SLC25A26: variants seen among roughly 807,000 people sequenced by gnomAD.
SLC25A26 encodes the protein mitochondrial S-adenosylmethionine carrier protein.
Under a neutral mutation model 37.8 loss-of-function variants are expected in SLC25A26, and 36 were observed. The ratio of observed to expected loss-of-function variants is 0.95; its 90% confidence interval spans 0.73 to 1.26. The LOEUF is 1.26. Among genes scored for constraint, SLC25A26 ranks in the 50% most tolerant of loss-of-function variants. The pLI is 0.00. For missense variants in SLC25A26, 390 were observed against 331.1 expected (o/e 1.18, Z -1.38); for synonymous variants, 129 against 122.5 (o/e 1.05, Z -0.35).
intron 5 of SLC25A26, among the ~76,000 whole-genome samples, chr3:66,298,698 C>G (rs1297218080): frequency 6.6e-6 from 1 of 152,072 alleles, no homozygotes; most frequent in African/African-American, 2.4e-5. Context: ...GAAATGAGCA[C>G]CAGTCACACT....
At chr3:66,175,107 G>GTATACACATATA in intron 1 of SLC25A26, among the ~76,000 whole-genome samples, 1 of 80,554 alleles carries the variant, frequency 1.2e-5, no homozygotes, top group South Asian at 4.0e-4. Flanking sequence ...ATATGTGTGT[G>GTATACACATATA]TGTATATATA....
intron 1 of SLC25A26, among the ~76,000 whole-genome samples, chr3:66,147,659 T>A (rs1310153864): frequency 6.6e-6 from 1 of 152,200 alleles, no homozygotes; most frequent in Admixed American, 6.5e-5. Flanking sequence ...TTGAGGAATC[T>A]CCATACTGTT....
intron 5 of SLC25A26, among the ~76,000 whole-genome samples, chr3:66,276,649 G>A (rs1367465325): frequency 6.6e-6 from 1 of 151,898 alleles, no homozygotes; most frequent in Non-Finnish European, 1.5e-5. Flanking sequence ...TGTTCCCTGT[G>A]CTGCATCATA....
chr3:66,195,628 C>T (rs1175045050), intron 1 of SLC25A26, among the ~76,000 whole-genome samples: 1 of 152,168 alleles, frequency 6.6e-6, no homozygotes, highest in African/African-American at 2.4e-5. Context: ...GAGGAGCGCA[C>T]GCGCTCGGCG....
chr3:66,318,723 C>G (rs990435147), intron 5 of SLC25A26, among the ~76,000 whole-genome samples: 1 of 151,900 alleles, frequency 6.6e-6, no homozygotes, highest in African/African-American at 2.4e-5. Context: ...AGTGCACTGT[C>G]TCATCATAGC....
intron 5 of SLC25A26, among the ~76,000 whole-genome samples, chr3:66,282,846 C>T (rs763744163): frequency 9.8e-5 from 15 of 152,306 alleles, no homozygotes; most frequent in Non-Finnish European, 2.1e-4. Context: ...GATGCATACC[C>T]ATTTCCCTGC....
intron 5 of SLC25A26, among the ~76,000 whole-genome samples, chr3:66,284,158 G>A (rs2074433257): frequency 6.6e-6 from 1 of 152,148 alleles, no homozygotes; most frequent in Non-Finnish European, 1.5e-5. Flanking sequence ...ACTAGCCTGG[G>A]CAACATAGTG....
intron 4 of SLC25A26, 59 bp downstream of exon 4, chr3:66,262,214 G>C: frequency 4.8e-6 from 4 of 841,056 alleles, no homozygotes; most frequent in Non-Finnish European, 7.4e-6. Flanking sequence ...TAGCTAATAC[G>C]AACACTGTGG....
intron 5 of SLC25A26, among the ~76,000 whole-genome samples, chr3:66,320,224 C>T (rs1356471615): frequency 6.6e-6 from 1 of 152,078 alleles, no homozygotes; most frequent in Non-Finnish European, 1.5e-5. Flanking sequence ...TTCATCACTC[C>T]AGATACAAAC....
At chr3:66,222,074 T>C (rs181128915) in intron 1 of SLC25A26, among the ~76,000 whole-genome samples, 5 of 152,170 alleles carry the variant, frequency 3.3e-5, no homozygotes. Flanking sequence ...GGGGAATATA[T>C]GGAAGTAGGG....
At chr3:66,260,793 T>TA (rs1169969593) in intron 3 of SLC25A26, among the ~76,000 whole-genome samples, 7 of 152,214 alleles carry the variant, frequency 4.6e-5, no homozygotes. Context: ...TTATATATTA[T>TA]TATGTATAGA....
At chr3:66,356,628 TTTATTA>T (rs1337723898) in intron 6 of SLC25A26, among the ~76,000 whole-genome samples, 5 of 152,088 alleles carry the variant, frequency 3.3e-5, no homozygotes, top group African/African-American at 1.2e-4. Flanking sequence ...ATGTGGGAAC[TTTATTA>T]TTATTATTTT....
rs781968867 is a variant in SLC25A26 at position 66,221,006 on chromosome 3, C to T, written c.-89C>T. On this transcript the variant is annotated 5_prime_UTR_variant, in exon 1 of 10. Transcript: ENST00000354883. ...TGGTCCCGGAAGTTCAAGACAGACC[C>T]GCCTCAAACATGGCGGCGCCCAGCG... 1.4e-5 allele frequency: 20 copies of T among 1,389,922 alleles called. No homozygotes were observed. The highest frequency in any genetic ancestry group is 5.0e-5 in the East Asian group (2 of 40,032). The allele number at this position is 1,389,922 out of a possible 1,614,324, so 86.1% of individuals were successfully genotyped here.
chr3:66,299,805 C>T (rs2075019146), intron 5 of SLC25A26, among the ~76,000 whole-genome samples: 1 of 152,128 alleles, frequency 6.6e-6, no homozygotes, highest in Admixed American at 6.5e-5. Flanking sequence ...TGAGAAACTT[C>T]CACATGCGGG....
chr3:66,360,554 A>G (rs1402421542), intron 6 of SLC25A26, among the ~76,000 whole-genome samples: 1 of 152,220 alleles, frequency 6.6e-6, no homozygotes, highest in African/African-American at 2.4e-5. Context: ...GCAGAATACA[A>G]GATCAGTGTA....
At chr3:66,306,559 A>G (rs1311634768) in intron 5 of SLC25A26, among the ~76,000 whole-genome samples, 1 of 152,106 alleles carries the variant, frequency 6.6e-6, no homozygotes, top group Non-Finnish European at 1.5e-5. Context: ...TTACATAGGT[A>G]TACATGTGCC....
intron 9 of SLC25A26, among the ~76,000 whole-genome samples, chr3:66,373,217 C>T (rs1260176702): frequency 2.6e-5 from 4 of 152,160 alleles, no homozygotes; most frequent in East Asian, 3.8e-4. Flanking sequence ...GCGAGCATCC[C>T]TTTCTGTCTG....
chr3:66,205,576 A>G (rs1441178766), intron 1 of SLC25A26, among the ~76,000 whole-genome samples: 1 of 152,230 alleles, frequency 6.6e-6, no homozygotes, highest in African/African-American at 2.4e-5. Context: ...ATTCATTCAT[A>G]TTTGGACTGA....
intron 1 of SLC25A26, among the ~76,000 whole-genome samples, chr3:66,204,135 A>C (rs943160475): frequency 3.9e-5 from 6 of 152,136 alleles, no homozygotes; most frequent in Admixed American, 3.9e-4. Flanking sequence ...CATGAAAATC[A>C]CGAGAATGGG....
Sources: gnomAD v4.1 joint callset for allele counts (sites outside exome capture counted in the v4.1 genomes callset) on GRCh38, gnomAD v4.1.1 for gene constraint, MANE v1.5 for transcripts, NCBI Gene and HGNC (gene_info 2026-07-23, HGNC 2026-07-21) for gene names.